Variants in TRPM3 observed in about 807,000 individuals in gnomAD.
The protein encoded by TRPM3 is long transient receptor potential channel 3.
Under a neutral mutation model 181.2 loss-of-function variants are expected in TRPM3, and 77 were observed. The ratio of observed to expected loss-of-function variants is 0.42; its 90% confidence interval spans 0.35 to 0.51. The LOEUF is 0.51. TRPM3 is among the 20% of genes least tolerant of loss of function. The pLI, the probability that TRPM3 is intolerant of heterozygous loss-of-function variation, is 0.01. For synonymous variants in TRPM3, 745 were observed against 796.4 expected (o/e 0.94, Z 1.09); for missense variants, 1,759 against 2,196.7 (o/e 0.80, Z 3.98).
At chr9:71,281,653 A>G (rs2084715863) in intron 1 of TRPM3, among the ~76,000 whole-genome samples, 1 of 152,210 alleles carries the variant, frequency 6.6e-6, no homozygotes, top group Non-Finnish European at 1.5e-5. Flanking sequence ...TTATTTTAGA[A>G]TTTGCTGGAT....
intron 1 of TRPM3, among the ~76,000 whole-genome samples, chr9:71,026,764 C>T (rs1025017002): frequency 6.6e-6 from 1 of 152,202 alleles, no homozygotes; most frequent in Non-Finnish European, 1.5e-5. Flanking sequence ...CCACCACTGC[C>T]AGTGTGAATG....
intron 1 of TRPM3, among the ~76,000 whole-genome samples, chr9:71,444,765 G>C (rs1161913508): frequency 6.6e-6 from 1 of 152,148 alleles, no homozygotes; most frequent in African/African-American, 2.4e-5. Context: ...AACAACTATA[G>C]AATCAAACCT....
At chr9:71,315,982 A>G (rs2088551315) in intron 1 of TRPM3, among the ~76,000 whole-genome samples, 1 of 152,160 alleles carries the variant, frequency 6.6e-6, no homozygotes. Context: ...GAAACTCTGG[A>G]TTTAGAAACT....
rs368262930 is a variant in TRPM3, at chr9:71,268,595, C to T, written c.183+178058G>A. ...ATCCTAGCACTTTTGGAGGCTGAAG[C>T]GGGTGAATCACCTGAGGTCAGGAGT... On this transcript the variant is annotated intron_variant, in intron 1 of 24. Coordinates refer to the TRPM3 transcript ENST00000357533. Among the ~76,000 whole-genome samples the T allele has an allele frequency of 8.5e-5, 13 of 152,078 alleles. No homozygotes were observed. The East Asian group carries it at 1.7e-3, about 20-fold the overall frequency.
chr9:70,541,166 A>G (rs1291551528), intron 25 of TRPM3, among the ~76,000 whole-genome samples: 4 of 152,124 alleles, frequency 2.6e-5, no homozygotes, highest in Admixed American at 2.0e-4. Flanking sequence ...GAGAAGGTAC[A>G]TGGTGAGAGC....
chr9:71,010,677 G>A (rs1463085849), intron 1 of TRPM3, among the ~76,000 whole-genome samples: 1 of 152,100 alleles, frequency 6.6e-6, no homozygotes, highest in Non-Finnish European at 1.5e-5. Context: ...AACTGTTGGT[G>A]GGGATGTAAA....
At chr9:71,174,705 T>A (rs746051411) in intron 1 of TRPM3, among the ~76,000 whole-genome samples, 14 of 152,054 alleles carry the variant, frequency 9.2e-5, no homozygotes, top group Non-Finnish European at 1.8e-4. Context: ...ATATTTAAAA[T>A]CTGAGGGTGA....
At chr9:70,917,238 T>C (rs1174878296) in intron 1 of TRPM3, 13 of 1,569,184 alleles carry the variant, frequency 8.3e-6, no homozygotes, top group Middle Eastern at 1.7e-4. Flanking sequence ...GCAATAGCAG[T>C]GAGTGCATCA....
intron 22 of TRPM3, among the ~76,000 whole-genome samples, chr9:70,560,646 T>C (rs1181511215): frequency 6.6e-6 from 1 of 152,196 alleles, no homozygotes; most frequent in Non-Finnish European, 1.5e-5. Flanking sequence ...CCTTGGTGCC[T>C]CTGAAGAAGG....
chr9:71,367,563 T>C (rs2092375325), intron 1 of TRPM3, among the ~76,000 whole-genome samples: 1 of 152,200 alleles, frequency 6.6e-6, no homozygotes, highest in Non-Finnish European at 1.5e-5. Context: ...ACAAAAAAGA[T>C]CTGAGCTGTG....
chr9:70,580,490 A>T (rs998947379), intron 22 of TRPM3, among the ~76,000 whole-genome samples: 2 of 152,176 alleles, frequency 1.3e-5, no homozygotes, highest in Non-Finnish European at 2.9e-5. Context: ...GACAAAAACA[A>T]TATGGTGTCC....
At chr9:70,941,598 A>C (rs888969850) in intron 1 of TRPM3, among the ~76,000 whole-genome samples, 1 of 152,166 alleles carries the variant, frequency 6.6e-6, no homozygotes. Flanking sequence ...CCTCTAGAGA[A>C]CCCTGACTAA....
chr9:70,968,399 A>ATTCC (rs2097206563), intron 1 of TRPM3, among the ~76,000 whole-genome samples: 1 of 152,138 alleles, frequency 6.6e-6, no homozygotes, highest in African/African-American at 2.4e-5. Context: ...ACTCAAGTGG[A>ATTCC]TTCCTTCCTT....
At chr9:71,107,116 A>T (rs970893110) in intron 1 of TRPM3, among the ~76,000 whole-genome samples, 2 of 152,172 alleles carry the variant, frequency 1.3e-5, no homozygotes, top group African/African-American at 4.8e-5. Flanking sequence ...AATGAGCTGT[A>T]CATCAAAGCA....
intron 1 of TRPM3, among the ~76,000 whole-genome samples, chr9:71,324,919 A>T (rs1414832566): frequency 6.6e-6 from 1 of 152,128 alleles, no homozygotes; most frequent in Non-Finnish European, 1.5e-5. Flanking sequence ...AGATTTAAAA[A>T]ATAGATAACA....
chr9:71,383,934 T>A (rs776938616), intron 1 of TRPM3, among the ~76,000 whole-genome samples: 21 of 152,214 alleles, frequency 1.4e-4, no homozygotes, highest in Non-Finnish European at 3.1e-4. Flanking sequence ...TGCTAGTGCT[T>A]ATAAGTTAGA....
chr9:71,275,134 T>C (rs1356081733), intron 1 of TRPM3, among the ~76,000 whole-genome samples: 2 of 152,214 alleles, frequency 1.3e-5, no homozygotes, highest in African/African-American at 2.4e-5. Context: ...TATGATATAA[T>C]TGTGTTTATG....
intron 1 of TRPM3, among the ~76,000 whole-genome samples, chr9:71,023,319 A>G (rs2097861239): frequency 6.6e-6 from 1 of 152,220 alleles, no homozygotes; most frequent in Non-Finnish European, 1.5e-5. Flanking sequence ...GATGGTGAAA[A>G]TAAATAATAG....
chr9:71,032,042 A>AT (rs1565023547), intron 1 of TRPM3, among the ~76,000 whole-genome samples: 7 of 3,140 alleles, frequency 2.2e-3, no homozygotes, highest in Non-Finnish European at 5.2e-3. Context: ...AAATATATAT[A>AT]TATATATTAT....
Sources: allele counts gnomAD v4.1 joint callset (sites outside exome capture counted in the v4.1 genomes callset), GRCh38; gene constraint gnomAD v4.1.1; transcripts MANE v1.5; gene names NCBI Gene and HGNC (gene_info 2026-07-23, HGNC 2026-07-21).